The following SLC35F3 variants were observed in gnomAD, a reference collection of about 807,000 sequenced individuals.
SLC35F3 encodes solute carrier family 35 member F3.
A neutral mutation model predicts 49.9 loss-of-function variants in SLC35F3; 25 were observed. The ratio of observed to expected loss-of-function variants is 0.50; its 90% confidence interval spans 0.37 to 0.70. The LOEUF (loss-of-function observed/expected upper bound fraction) is 0.70, where lower values mean the gene tolerates loss of function less well. Among genes scored for constraint, SLC35F3 ranks in the 30% least tolerant of loss-of-function variants. The probability of loss-of-function intolerance (pLI) is 0.00; values close to 1 mark genes in which losing one functional copy is unlikely to be tolerated. For synonymous variants in SLC35F3, 275 were observed against 265.4 expected, an observed-to-expected ratio of 1.04 and a Z score of -0.35; for missense variants, 525 against 639.8, an observed-to-expected ratio of 0.82 and a Z score of 1.94.
At chr1:234,235,555 G>A (rs147018550) in intron 3 of SLC35F3, among the ~76,000 whole-genome samples, 209 of 152,346 alleles carry the variant, frequency 1.4e-3, no homozygotes, top group African/African-American at 4.8e-3. Flanking sequence ...CAGCAGAGCT[G>A]GAGCAGATCT....
intron 2 of SLC35F3, among the ~76,000 whole-genome samples, chr1:234,168,827 C>T (rs753709743): frequency 3.3e-5 from 5 of 152,304 alleles, no homozygotes; most frequent in Admixed American, 1.3e-4. Flanking sequence ...AGACACACAG[C>T]GAAACGACCC....
intron 2 of SLC35F3, among the ~76,000 whole-genome samples, chr1:234,135,178 C>T (rs570219958): frequency 3.3e-5 from 5 of 152,262 alleles, no homozygotes; most frequent in South Asian, 2.1e-4. Context: ...AAAGGCTATA[C>T]AGTGAACAGC....
chr1:233,911,984 A>G (rs1226932826), intron 2 of SLC35F3, among the ~76,000 whole-genome samples: 4 of 152,208 alleles, frequency 2.6e-5, no homozygotes, highest in Non-Finnish European at 5.9e-5. Flanking sequence ...AGCTGGAAAC[A>G]TTCAGGTTAG....
chr1:233,988,031 C>A (rs943433289), intron 2 of SLC35F3, among the ~76,000 whole-genome samples: 13 of 152,120 alleles, frequency 8.5e-5, no homozygotes, highest in Non-Finnish European at 1.8e-4. Flanking sequence ...GCTTTTGTCT[C>A]AGTTTTATAT....
At chr1:234,241,283 G>A (rs1667549848) in intron 3 of SLC35F3, among the ~76,000 whole-genome samples, 1 of 152,098 alleles carries the variant, frequency 6.6e-6, no homozygotes, top group South Asian at 2.1e-4. Context: ...ACGCACAGGA[G>A]GCTCCAGGGA....
At chr1:234,201,520 A>C (rs12067119) in intron 2 of SLC35F3, among the ~76,000 whole-genome samples, 25,165 of 152,176 alleles carry the variant, frequency 0.17, 6,923 homozygotes, top group African/African-American at 0.57. Context: ...AACATCCTTC[A>C]TATCTTAGAT....
At chr1:234,101,805 G>C (rs758349089) in intron 2 of SLC35F3, among the ~76,000 whole-genome samples, 5 of 152,210 alleles carry the variant, frequency 3.3e-5, no homozygotes, top group Non-Finnish European at 7.3e-5. Context: ...GTCAAATAGT[G>C]GCTAGGAGAG....
intron 2 of SLC35F3, among the ~76,000 whole-genome samples, chr1:233,999,695 G>A (rs7524083): frequency 1.3e-3 from 193 of 152,210 alleles, no homozygotes; most frequent in Non-Finnish European, 2.5e-3. Flanking sequence ...TGCCATGCAA[G>A]TGGCCGAGCC....
chr1:233,917,768 C>T (rs1391609013), intron 2 of SLC35F3, among the ~76,000 whole-genome samples: 4 of 152,202 alleles, frequency 2.6e-5, no homozygotes, highest in Non-Finnish European at 4.4e-5. Flanking sequence ...GTTTTCTTGG[C>T]TGTTCCACTT....
At position 234,117,954 on chromosome 1, in the gene SLC35F3, GTGTGTGTGTGTA is replaced by G. The variant is rs1458324847; in HGVS notation, c.284-113461_284-113450del. ...TGTGTGTGTGTGTGTGTGTGTGTGT[GTGTGTGTGTGTA>G]TATATATATAAAACCACAAGAAACT... On this transcript the variant is annotated intron_variant, in intron 2 of 7. Coordinates refer to ENST00000366618, the MANE Select transcript of SLC35F3 (RefSeq NM_173508.4). 7.9e-4 allele frequency among the ~76,000 whole-genome samples: 20 copies of G among 25,220 alleles called. 1 individual carries two copies. The highest frequency in any genetic ancestry group is 0.033 in the Middle Eastern group (1 of 30). 16.5% of individuals were successfully genotyped at this position (25,220 alleles called of 152,430 possible).
At chr1:234,297,361 A>T (rs1436590240) in intron 3 of SLC35F3, among the ~76,000 whole-genome samples, 2 of 152,240 alleles carry the variant, frequency 1.3e-5, no homozygotes, top group South Asian at 2.1e-4. Context: ...TTCCCATGTT[A>T]CCACAGCACG....
rs1486794829 is a variant in SLC35F3 at position 234,214,259 on chromosome 1, T to C, written c.284-17158T>C. The C allele has an allele frequency of 4.8e-6, 6 of 1,250,350 alleles. No homozygotes were observed. Among genetic ancestry groups the C allele is most frequent in the African/African-American group, 4.7e-5 (3 of 63,302 alleles). 77.5% of individuals were successfully genotyped at this position (1,250,350 alleles called of 1,614,324 possible). A position where few individuals can be genotyped will look rare whatever the true frequency, so the allele number is the denominator to read the frequency against. ...CTCCAAGTAGGAGGCTGTGCGCGCGTGTGTGTGGAGTGGCTGCGCGGCCGG... is the reference window on the plus strand; with the variant it reads ...CTCCAAGTAGGAGGCTGTGCGCGCGCGTGTGTGGAGTGGCTGCGCGGCCGG... On this transcript the variant is annotated intron_variant, in intron 2 of 7. Coordinates refer to ENST00000366618, the MANE Select transcript of SLC35F3 (RefSeq NM_173508.4). The surrounding 1 kb of genome is among the most constrained non-coding windows in gnomAD (Gnocchi z 8.0).
At chr1:233,968,013 C>T (rs983424504) in intron 2 of SLC35F3, among the ~76,000 whole-genome samples, 9 of 152,090 alleles carry the variant, frequency 5.9e-5, no homozygotes, top group African/African-American at 9.7e-5. Context: ...AATAATAAAC[C>T]GTGTTGTCTC....
In SLC35F3 at chr1:234,231,074, A is replaced by G. The variant is rs980583763; in HGVS notation, c.284-343A>G. On this transcript the variant is annotated intron_variant, in intron 2 of 7. Transcript: ENST00000366618. The surrounding 1 kb of genome is among the most constrained non-coding windows in gnomAD (Gnocchi z 5.4). Reference sequence around the variant, plus strand: ...GTTCTGGAGGAGTGTTTCCCAAAGCACGCAGATCACCTGAGGAATGCAGGT... The same window carrying G: ...GTTCTGGAGGAGTGTTTCCCAAAGCGCGCAGATCACCTGAGGAATGCAGGT... Among the ~76,000 whole-genome samples, 5 of 152,162 alleles carry G rather than the reference A, an allele frequency of 3.3e-5. No homozygotes were observed. Among genetic ancestry groups the G allele is most frequent in the African/African-American group, 1.2e-4 (5 of 41,444 alleles).
In SLC35F3 at chr1:234,103,444, G is replaced by A. The variant is rs776512919; in HGVS notation, c.284-127973G>A. Among the ~76,000 whole-genome samples, 6 of 152,086 alleles carry A rather than the reference G, an allele frequency of 3.9e-5. 1 individual carries two copies. The highest frequency in any genetic ancestry group is 4.1e-4 in the South Asian group (2 of 4,826). On this transcript the variant is annotated intron_variant, in intron 2 of 7. Coordinates refer to ENST00000366618, the MANE Select transcript of SLC35F3 (RefSeq NM_173508.4). ...GTCCACAGGCTGTGCATGAGCAAGC[G>A]TTCTCCAAAACCCTGCCTGCTGAGT...
At chr1:234,033,336 G>T (rs1664090106) in intron 2 of SLC35F3, among the ~76,000 whole-genome samples, 1 of 152,016 alleles carries the variant, frequency 6.6e-6, no homozygotes. Context: ...TATTTCTTTG[G>T]CTGTGCGGAA....
intron 2 of SLC35F3, among the ~76,000 whole-genome samples, chr1:234,007,870 G>A (rs1481937071): frequency 6.6e-6 from 1 of 152,170 alleles, no homozygotes; most frequent in Admixed American, 6.5e-5. Flanking sequence ...TATTGGATCT[G>A]CATTGTGCCA....
At chr1:234,301,369 A>G (rs1051668818) in intron 3 of SLC35F3, among the ~76,000 whole-genome samples, 6 of 152,246 alleles carry the variant, frequency 3.9e-5, no homozygotes, top group Non-Finnish European at 7.3e-5. Context: ...CCCATCAAAA[A>G]GTGGGCAAAG....
intron 2 of SLC35F3, among the ~76,000 whole-genome samples, chr1:234,165,862 CTTCT>C (rs1666311062): frequency 6.6e-6 from 1 of 152,138 alleles, no homozygotes; most frequent in Non-Finnish European, 1.5e-5. Flanking sequence ...TCCTCCCTTC[CTTCT>C]GAGTCTCCAG....
Sources: allele counts gnomAD v4.1 joint callset (sites outside exome capture counted in the v4.1 genomes callset), GRCh38; gene constraint gnomAD v4.1.1; non-coding constraint Gnocchi (gnomAD v3.1); transcripts MANE v1.5; gene names NCBI Gene and HGNC (gene_info 2026-07-23, HGNC 2026-07-21).